The following DPP6 variants were observed in gnomAD, a reference collection of about 807,000 sequenced individuals.
DPP6 encodes dipeptidyl peptidase like 6.
Under a neutral mutation model 122.6 loss-of-function variants are expected in DPP6, and 69 were observed. That is an observed-to-expected ratio of 0.56 (90% CI 0.46 to 0.69). The LOEUF is 0.69. Ranked by LOEUF, DPP6 falls within the 30% of genes least tolerant of loss-of-function variation. The pLI, the probability that DPP6 is intolerant of heterozygous loss-of-function variation, is 0.00. For missense variants in DPP6, 928 were observed against 1,116.9 expected (o/e 0.83, Z 2.41); for synonymous variants, 418 against 433.1 (o/e 0.97, Z 0.43).
intron 1 of DPP6, among the ~76,000 whole-genome samples, chr7:154,228,807 G>C (rs1273552167): frequency 6.6e-6 from 1 of 152,140 alleles, no homozygotes; most frequent in Non-Finnish European, 1.5e-5. Flanking sequence ...CAGTCATTTA[G>C]TCCATCCCTA....
chr7:153,949,056 ATCAT>A (rs930553635), intron 1 of DPP6, among the ~76,000 whole-genome samples: 15 of 152,210 alleles, frequency 9.9e-5, no homozygotes, highest in African/African-American at 3.6e-4. Flanking sequence ...TTGCTCCAAA[ATCAT>A]TCATTCGTTT....
intron 1 of DPP6, among the ~76,000 whole-genome samples, chr7:154,366,535 G>A (rs1410547030): frequency 6.6e-6 from 1 of 152,222 alleles, no homozygotes. Flanking sequence ...TGCCTAGCTT[G>A]CAACTGCAGA....
intron 2 of DPP6, among the ~76,000 whole-genome samples, chr7:154,464,921 C>T (rs1345891717): frequency 1.3e-5 from 2 of 152,102 alleles, no homozygotes; most frequent in African/African-American, 4.8e-5. Context: ...CCTACTTATA[C>T]TATGGGGTTT....
At chr7:154,041,746 GT>G (rs907453465) in intron 1 of DPP6, among the ~76,000 whole-genome samples, 11 of 150,584 alleles carry the variant, frequency 7.3e-5, no homozygotes, top group African/African-American at 2.5e-4. Flanking sequence ...TTCTTCTCAT[GT>G]TTGTTTTTTT....
At position 154,488,508 on chromosome 7, in the gene DPP6, A is replaced by G. The variant is rs1823993440; in HGVS notation, c.457+13471A>G. On this transcript the variant is annotated intron_variant, in intron 3 of 25. Coordinates refer to ENST00000377770, the MANE Select transcript of DPP6 (RefSeq NM_130797.4). ...TAATAAGAAACGCACATCTGATTCT[A>G]TTTTCTTGCTTTAACTGGGACTCTC... 2.0e-5 allele frequency among the ~76,000 whole-genome samples: 3 copies of G among 151,606 alleles called. No homozygotes were observed. The South Asian group carries it at 6.3e-4, about 32-fold the overall frequency.
chr7:154,305,694 G>A, intron 1 of DPP6: 1 of 1,265,912 alleles, frequency 7.9e-7, no homozygotes. Flanking sequence ...GTTTATGACT[G>A]TAGCCCCCTG....
At chr7:154,721,200 TG>T (rs1841786816) in intron 7 of DPP6, among the ~76,000 whole-genome samples, 1 of 152,244 alleles carries the variant, frequency 6.6e-6, no homozygotes, top group African/African-American at 2.4e-5. Flanking sequence ...TGCAACACGC[TG>T]TAATTATCAG....
At chr7:154,677,444 A>G (rs1363002909) in intron 7 of DPP6, among the ~76,000 whole-genome samples, 1 of 152,208 alleles carries the variant, frequency 6.6e-6, no homozygotes, top group Non-Finnish European at 1.5e-5. Context: ...TTTTGCCTTC[A>G]ATAAAAATAA....
the DPP6 span, among the ~76,000 whole-genome samples, chr7:153,812,840 T>C: frequency 1.3e-5 from 2 of 152,050 alleles, no homozygotes; most frequent in Admixed American, 1.3e-4. Context: ...CAGCCTACAG[T>C]GCATCTCAAG....
chr7:154,811,204 A>G (rs1799039130), intron 16 of DPP6, among the ~76,000 whole-genome samples: 2 of 152,226 alleles, frequency 1.3e-5, no homozygotes, highest in African/African-American at 2.4e-5. Context: ...CCACTTATAA[A>G]AAGAGATTTT....
At chr7:154,165,544 A>G (rs1345203553) in intron 1 of DPP6, among the ~76,000 whole-genome samples, 1 of 151,376 alleles carries the variant, frequency 6.6e-6, no homozygotes, top group Non-Finnish European at 1.5e-5. Context: ...GCTGGGTCAA[A>G]TGGTATTTCT....
intron 1 of DPP6, among the ~76,000 whole-genome samples, chr7:154,214,397 C>T (rs1248577501): frequency 1.3e-5 from 2 of 152,174 alleles, no homozygotes; most frequent in African/African-American, 2.4e-5. Flanking sequence ...GCAGAGAATT[C>T]ACCAGCCTAG....
At chr7:154,456,345 A>G (rs1820826133) in intron 2 of DPP6, among the ~76,000 whole-genome samples, 1 of 152,210 alleles carries the variant, frequency 6.6e-6, no homozygotes, top group South Asian at 2.1e-4. Flanking sequence ...GCATTTAAGT[A>G]TGGTATTAAA....
At chr7:154,368,053 GC>G (rs1382740147) in intron 1 of DPP6, among the ~76,000 whole-genome samples, 1 of 152,122 alleles carries the variant, frequency 6.6e-6, no homozygotes, top group Non-Finnish European at 1.5e-5. Context: ...TGATTCACCT[GC>G]CTCGGCTTCC....
At chr7:154,737,068 G>T (rs936607890) in intron 8 of DPP6, among the ~76,000 whole-genome samples, 1 of 152,242 alleles carries the variant, frequency 6.6e-6, no homozygotes, top group African/African-American at 2.4e-5. Context: ...AGGGGCACAG[G>T]ATCATAGCTC....
chr7:154,489,142 C>A (rs898984982), intron 3 of DPP6, among the ~76,000 whole-genome samples: 1 of 152,148 alleles, frequency 6.6e-6, no homozygotes, highest in Non-Finnish European at 1.5e-5. Flanking sequence ...ATGGGGTCTT[C>A]CAACAACTGC....
chr7:154,275,787 G>T (rs1417944345), intron 1 of DPP6, among the ~76,000 whole-genome samples: 1 of 152,218 alleles, frequency 6.6e-6, no homozygotes, highest in East Asian at 1.9e-4. Context: ...AAGAGGAGGA[G>T]AGAGTGGTAC....
chr7:154,467,468 T>G (rs1409425187), intron 2 of DPP6, among the ~76,000 whole-genome samples: 2 of 152,202 alleles, frequency 1.3e-5, no homozygotes, highest in African/African-American at 2.4e-5. Context: ...ACCTCCCTCT[T>G]TGCTTTCTTT....
At chr7:154,575,383 GAT>G (rs1831536454) in intron 5 of DPP6, among the ~76,000 whole-genome samples, 2 of 72,618 alleles carry the variant, frequency 2.8e-5, no homozygotes, top group Admixed American at 1.6e-4. Flanking sequence ...GTATGTGTGT[GAT>G]GTGTGTGTAG....
Sources: gnomAD v4.1 joint callset for allele counts (sites outside exome capture counted in the v4.1 genomes callset) on GRCh38, gnomAD v4.1.1 for gene constraint, MANE v1.5 for transcripts, NCBI Gene and HGNC (gene_info 2026-07-23, HGNC 2026-07-21) for gene names.